TTBK1: variants seen among roughly 807,000 people sequenced by gnomAD.
The protein encoded by TTBK1 is tau-tubulin kinase 1.
Under a neutral mutation model 108.5 loss-of-function variants are expected in TTBK1, and 34 were observed. The observed-to-expected ratio is 0.31, with a 90% CI of 0.24 to 0.42. The LOEUF is 0.42. Among genes scored for constraint, TTBK1 ranks in the 10% least tolerant of loss-of-function variants. The pLI is 1.00. For missense variants in TTBK1, 1,539 were observed against 1,826.0 expected, an observed-to-expected ratio of 0.84 and a Z score of 2.86; for synonymous variants, 809 against 795.1, an observed-to-expected ratio of 1.02 and a Z score of -0.29.
chr6:43,280,975 G>A (rs1778141551), intron 13 of TTBK1, among the ~76,000 whole-genome samples: 1 of 152,170 alleles, frequency 6.6e-6, no homozygotes, highest in African/African-American at 2.4e-5. Context: ...GTGGAGTGTA[G>A]GCAGGGGCAG....
intron 2 of TTBK1, among the ~76,000 whole-genome samples, chr6:43,248,652 G>A (rs1318813072): frequency 6.6e-6 from 1 of 152,186 alleles, no homozygotes; most frequent in Non-Finnish European, 1.5e-5. Flanking sequence ...GAACCTGGAA[G>A]GCAGAGGTTG....
chr6:43,261,130 A>G (rs1024887128), intron 12 of TTBK1, among the ~76,000 whole-genome samples: 2 of 152,208 alleles, frequency 1.3e-5, no homozygotes, highest in Non-Finnish European at 2.9e-5. Context: ...TTTATTAACA[A>G]GTCAATGAAA....
At position 43,269,768 on chromosome 6, in the gene TTBK1, C is replaced by A; in HGVS notation, c.1986+6418C>A. ...ATTACCCTCACCCCGGCGGCGGCGG[C>A]TCCTCGGGCTCCTCCGGTTCCCTCA... On this transcript the variant is annotated intron_variant, in intron 13 of 14. Transcript: ENST00000259750. The surrounding 1 kb of genome is among the most constrained non-coding windows in gnomAD (Gnocchi z 4.8). The A allele has an allele frequency of 6.3e-7, 1 of 1,588,644 alleles. No homozygotes were observed.
Position 43,273,460 on chromosome 6 carries a change from CCACAG to C in TTBK1, c.1987-9264_1987-9260del, listed in dbSNP as rs1175892808. ...TCAATCCCACATGGCCCCAAGCATC[CCACAG>C]CAGCTCTGGGGATCAGGTGGGCAGA... On this transcript the variant is annotated intron_variant, in intron 13 of 14. Transcript: ENST00000259750. This position sits in a 1 kb window ranked among gnomAD's most constrained non-coding sequence, Gnocchi z 4.2. 1.3e-5 allele frequency among the ~76,000 whole-genome samples: 2 copies of C among 152,186 alleles called. No individual in the cohort carries two copies. Among genetic ancestry groups the C allele is most frequent in the African/African-American group, 4.8e-5 (2 of 41,446 alleles).
In TTBK1 at chr6:43,246,687, G is replaced by A. The variant is rs751441680; in HGVS notation, c.27G>A (p.Lys9=). The change falls in exon 2 of 15, where the codon AAG becomes AAA. Residue 9 remains lysine (K), a synonymous_variant. Coordinates refer to ENST00000259750, the MANE Select transcript of TTBK1 (RefSeq NM_032538.3). MQCLAAAL[K]DETNMSGGGE... ...TGCAGTGCCTAGCGGCCGCCCTTAA[G>A]GACGAAACCAACATGAGTGGGGGAG... 2.0e-5 allele frequency: 32 copies of A among 1,611,370 alleles called. No homozygotes were observed. The highest frequency in any genetic ancestry group is 8.4e-5 in the Admixed American group (5 of 59,688).
rs1046398117 is a variant in TTBK1 at position 43,269,990 on chromosome 6, G to A, written c.1986+6640G>A. 18 of 1,429,418 alleles carry A rather than the reference G, an allele frequency of 1.3e-5. No individual in the cohort carries two copies. The highest frequency in any genetic ancestry group is 2.9e-5 in the African/African-American group (2 of 68,818). 88.5% of individuals were successfully genotyped at this position (1,429,418 alleles called of 1,614,324 possible). ...CCTCCTGGAGGGGGCAGGTGGGGGG[G>A]GGTGGGGAGCAGGCAGAGGACCATG... On this transcript the variant is annotated intron_variant, in intron 13 of 14. Coordinates refer to ENST00000259750, the MANE Select transcript of TTBK1 (RefSeq NM_032538.3). The surrounding 1 kb of genome is among the most constrained non-coding windows in gnomAD (Gnocchi z 4.8).
chr6:43,255,229 C>T, intron 7 of TTBK1, 115 bp downstream of exon 7: 1 of 955,160 alleles, frequency 1.0e-6, no homozygotes, highest in South Asian at 1.4e-5. Context: ...TGCAATCTGC[C>T]ACCCCAGAGA....
intron 14 of TTBK1, 57 bp downstream of exon 14, chr6:43,284,369 G>GGAGGGGCTTCTCCGGAACCAAGGT: frequency 6.8e-7 from 1 of 1,479,750 alleles, no homozygotes; most frequent in Admixed American, 2.3e-5. Flanking sequence ...GCCTCCACCA[G>GGAGGGGCTTCTCCGGAACCAAGGT]GAGGGGCTTC....
At chr6:43,247,598 G>A (rs1237257758) in intron 2 of TTBK1, among the ~76,000 whole-genome samples, 1 of 152,054 alleles carries the variant, frequency 6.6e-6, no homozygotes, top group East Asian at 1.9e-4. Flanking sequence ...CCAGGGGGAG[G>A]GGAGGGAGAA....
In TTBK1 at chr6:43,284,983, G is replaced by C. The variant is rs1293167730; in HGVS notation, c.3573G>C (p.Arg1191Ser). The change falls in exon 15 of 15, where the codon AGG becomes AGC. Residue 1191 changes from arginine to serine, a missense_variant and splice_region_variant. Coordinates refer to ENST00000259750, the MANE Select transcript of TTBK1 (RefSeq NM_032538.3). ...TCTCCTGCCTTCTGCTCTCAAGCAG[G>C]CTCCAGCTGCAGACGCCCCCAGGGT... ...APALDTAITS[R>S]LQLQTPPGSA... is the part of the protein sequence containing the mutation. 1.3e-6 allele frequency: 2 copies of C among 1,513,222 alleles called. No homozygotes were observed. Among genetic ancestry groups the C allele is most frequent in the Non-Finnish European group, 1.8e-6 (2 of 1,136,732 alleles). 93.7% of individuals were successfully genotyped at this position (1,513,222 alleles called of 1,614,324 possible). A position where few individuals can be genotyped will look rare whatever the true frequency, so the allele number is the denominator to read the frequency against.
Position 43,269,548 on chromosome 6 carries a change from C to A in TTBK1, c.1986+6198C>A, listed in dbSNP as rs1195317365. On this transcript the variant is annotated intron_variant, in intron 13 of 14. Coordinates refer to ENST00000259750, the MANE Select transcript of TTBK1 (RefSeq NM_032538.3). This position sits in a 1 kb window ranked among gnomAD's most constrained non-coding sequence, Gnocchi z 4.8. Reference sequence around the variant, plus strand: ...CGCCCACTTGCCCGGGACGCCGGCGCCGCAGGGGCTGTGAGCGGTGGGTGG... The same window carrying A: ...CGCCCACTTGCCCGGGACGCCGGCGACGCAGGGGCTGTGAGCGGTGGGTGG... 4 of 1,366,520 alleles carry A rather than the reference C, an allele frequency of 2.9e-6. No homozygotes were observed. Among genetic ancestry groups the A allele is most frequent in the Non-Finnish European group, 3.8e-6 (4 of 1,044,130 alleles). 84.6% of individuals were successfully genotyped at this position (1,366,520 alleles called of 1,614,324 possible).
intron 1 of TTBK1, 49 bp from the exon 2 acceptor site, chr6:43,246,558 T>C (rs1198498712): frequency 5.4e-6 from 4 of 735,488 alleles, no homozygotes; most frequent in Non-Finnish European, 8.9e-6. Context: ...ATCTGCCAGG[T>C]GGTCCTGGGT....
At chr6:43,258,893 G>A (rs1777446196) in intron 10 of TTBK1, 145 bp from the exon 11 acceptor site, 2 of 607,158 alleles carry the variant, frequency 3.3e-6, no homozygotes, top group Non-Finnish European at 5.8e-6. Flanking sequence ...ATGGTGATGG[G>A]CCTAGGGACA....
intron 13 of TTBK1, chr6:43,270,117 C>G: frequency 7.2e-7 from 1 of 1,380,986 alleles, no homozygotes; most frequent in South Asian, 1.8e-5. Flanking sequence ...CTGTAATACT[C>G]CCACCCCAAG....
Position 43,253,014 on chromosome 6 carries a change from A to G in TTBK1, c.256+128A>G, listed in dbSNP as rs1777286587. ...GGTAGAGGGAAAAGGGGATGGAGCC[A>G]GGAGCTAAGGGGGAGGTGACGGAGC... is the stretch of plus-strand genomic sequence containing the variant. On this transcript the variant is annotated intron_variant, in intron 3 of 14. Coordinates refer to ENST00000259750, the MANE Select transcript of TTBK1 (RefSeq NM_032538.3). The surrounding 1 kb of genome is among the most constrained non-coding windows in gnomAD (Gnocchi z 5.8). The G allele has an allele frequency of 6.6e-6, 8 of 1,212,370 alleles. No homozygotes were observed. The highest frequency in any genetic ancestry group is 8.1e-6 in the Non-Finnish European group (7 of 859,274). The allele number at this position is 1,212,370 out of a possible 1,614,324, so 75.1% of individuals were successfully genotyped here.
intron 13 of TTBK1, chr6:43,270,777 C>A: frequency 2.0e-6 from 2 of 985,418 alleles, no homozygotes; most frequent in Non-Finnish European, 2.4e-6. Context: ...AACGAGGAGA[C>A]CCAGCTTAGA....
At chr6:43,262,365 GGT>G (rs145606348) in intron 12 of TTBK1, among the ~76,000 whole-genome samples, 14,106 of 152,178 alleles carry the variant, frequency 0.093, 833 homozygotes, top group Non-Finnish European at 0.14. Flanking sequence ...GGGCCAGTTG[GGT>G]GTGTTTGCCT....
chr6:43,265,580 C>A lies in TTBK1; in HGVS notation c.1986+2230C>A, dbSNP rs1438954354. On this transcript the variant is annotated intron_variant, in intron 13 of 14. Coordinates refer to ENST00000259750, the MANE Select transcript of TTBK1 (RefSeq NM_032538.3). This position sits in a 1 kb window ranked among gnomAD's most constrained non-coding sequence, Gnocchi z 4.1. The stretch of plus-strand genomic sequence containing the variant: ...TAGCCATTGCTCCCACCACACCCAG[C>A]ACCAGGCAGCAGGAGAGGGAGCAAA... 6.6e-6 allele frequency among the ~76,000 whole-genome samples: 1 copy of A among 152,248 alleles called. No individual in the cohort carries two copies. Among genetic ancestry groups the A allele is most frequent in the Non-Finnish European group, 1.5e-5 (1 of 68,050 alleles).
chr6:43,285,277 C>CG lies in TTBK1; in HGVS notation c.3872dup (p.Ser1292LeufsTer240). ...CCCAGCCTGATGGCACCCCCTCCCC[C>CG]GGGGGCTCCAAGAAAGGACCCAGAG... is the stretch of plus-strand genomic sequence containing the variant. On this transcript the variant is annotated frameshift_variant, in exon 15 of 15. Transcript: ENST00000259750. LOFTEE classifies it high-confidence loss of function. This position sits in a 1 kb window ranked among gnomAD's most constrained non-coding sequence, Gnocchi z 4.7. The CG allele has an allele frequency of 1.5e-6, 2 of 1,292,446 alleles. No homozygotes were observed. The highest frequency in any genetic ancestry group is 2.6e-5 in the South Asian group (1 of 38,460). The allele number at this position is 1,292,446 out of a possible 1,614,324, so 80.1% of individuals were successfully genotyped here.
Sources: gnomAD v4.1 joint callset for allele counts (sites outside exome capture counted in the v4.1 genomes callset) on GRCh38, gnomAD v4.1.1 for gene constraint, Gnocchi (gnomAD v3.1) non-coding constraint, MANE v1.5 for transcripts, NCBI Gene and HGNC (gene_info 2026-07-23, HGNC 2026-07-21) for gene names.